The following GNG2 variants were observed in gnomAD, a reference collection of about 807,000 sequenced individuals.
GNG2 encodes guanine nucleotide-binding protein G(I)/G(S)/G(O) subunit gamma-2.
Under a neutral mutation model 5.5 loss-of-function variants are expected in GNG2, and 5 were observed. The observed-to-expected ratio is 0.91, with a 90% CI of 0.48 to 1.92. The LOEUF (loss-of-function observed/expected upper bound fraction) is 1.92, where lower values mean the gene tolerates loss of function less well. Among genes scored for constraint, GNG2 ranks in the 30% most tolerant of loss-of-function variants. The probability of loss-of-function intolerance (pLI) is 0.01; values close to 1 mark genes in which losing one functional copy is unlikely to be tolerated. For missense variants in GNG2, 55 were observed against 88.4 expected (o/e 0.62, Z 1.52); for synonymous variants, 28 against 32.0 (o/e 0.88, Z 0.42).
intron 2 of GNG2, among the ~76,000 whole-genome samples, chr14:51,937,469 C>T (rs1888077201): frequency 6.6e-6 from 1 of 152,106 alleles, no homozygotes; most frequent in African/African-American, 2.4e-5. Flanking sequence ...AATGTAAGCA[C>T]TCCAAGGTGG....
chr14:51,956,520 T>C (rs1889280705), intron 3 of GNG2, among the ~76,000 whole-genome samples: 1 of 152,178 alleles, frequency 6.6e-6, no homozygotes, highest in South Asian at 2.1e-4. Flanking sequence ...AAGAAGTATG[T>C]AGAGTGGTGT....
intron 1 of GNG2, among the ~76,000 whole-genome samples, chr14:51,869,394 T>C (rs1352772514): frequency 6.6e-6 from 1 of 152,228 alleles, no homozygotes; most frequent in Non-Finnish European, 1.5e-5. Flanking sequence ...TTCCTCCCAC[T>C]GTGACACCTT....
chr14:51,837,924 C>T (rs913408822), intron 2 of GNG2, among the ~76,000 whole-genome samples: 2 of 152,166 alleles, frequency 1.3e-5, no homozygotes, highest in South Asian at 2.1e-4. Flanking sequence ...ATTTGCATTG[C>T]TCCTATGAGT....
chr14:51,940,228 T>G (rs937789561), intron 2 of GNG2: 3 of 151,388 alleles, frequency 2.0e-5, no homozygotes, highest in Admixed American at 6.6e-5. Context: ...TTGTTTTGTT[T>G]TGTTGACAAA....
chr14:51,952,296 ATTC>A (rs1485124833), intron 3 of GNG2, among the ~76,000 whole-genome samples: 3 of 152,140 alleles, frequency 2.0e-5, no homozygotes, highest in Non-Finnish European at 4.4e-5. Flanking sequence ...AACAGCCTTA[ATTC>A]TTCTTCTTTC....
At chr14:51,887,015 C>T (rs1461142122) in intron 2 of GNG2, among the ~76,000 whole-genome samples, 1 of 152,178 alleles carries the variant, frequency 6.6e-6, no homozygotes, top group East Asian at 1.9e-4. Flanking sequence ...CTTGTTTAAA[C>T]CAGCTTTCAC....
At chr14:51,908,832 C>A (rs1179347153) in intron 2 of GNG2, among the ~76,000 whole-genome samples, 1 of 150,108 alleles carries the variant, frequency 6.7e-6, no homozygotes. Context: ...TCCATCTCAG[C>A]CTCCCAAAGT....
Position 51,841,508 on chromosome 14 carries a change from A to G in GNG2, c.64+13701A>G, listed in dbSNP as rs1425624371. 9 of 701,946 alleles carry G rather than the reference A, an allele frequency of 1.3e-5. No individual in the cohort carries two copies. The Admixed American group carries it at 1.8e-4, about 14-fold the overall frequency. The allele number at this position is 701,946 out of a possible 1,614,324, so 43.5% of individuals were successfully genotyped here. On this transcript the variant is annotated intron_variant, in intron 2 of 3. Transcript: ENST00000553432. ...CTATTTTTCTCTCCATTTTACAGAC[A>G]AGAATCCCAGAGCATAGAAAAGTCA... is the stretch of plus-strand genomic sequence containing the variant.
chr14:51,828,733 G>A (rs574560070), intron 2 of GNG2, among the ~76,000 whole-genome samples: 1 of 152,156 alleles, frequency 6.6e-6, no homozygotes, highest in African/African-American at 2.4e-5. Context: ...GGTGAAATTT[G>A]TTTCTGACTC....
At chr14:51,942,675 C>T (rs1230125272) in intron 2 of GNG2, among the ~76,000 whole-genome samples, 14 of 148,160 alleles carry the variant, frequency 9.4e-5, no homozygotes, top group African/African-American at 3.3e-4. Context: ...CCTCCCTTCT[C>T]AGCGCCCCCA....
In GNG2 at chr14:51,860,697, C is replaced by CTGGGG; in HGVS notation, c.-160_-159insGTGGG. 6.6e-6 allele frequency: 1 copy of CTGGGG among 152,586 alleles called. No individual in the cohort carries two copies. Among genetic ancestry groups the CTGGGG allele is most frequent in the East Asian group, 1.9e-4 (1 of 5,138 alleles). The allele number at this position is 152,586 out of a possible 1,614,324, so 9.5% of individuals were successfully genotyped here. On this transcript the variant is annotated 5_prime_UTR_variant, in exon 1 of 4. Coordinates refer to ENST00000556766, the MANE Select transcript of GNG2 (RefSeq NM_053064.5). ...CAACTCCTACTACTGCTGGGCTGGGCTGGGCTGGGCTGGGCTGCGCCGGAG... is the reference window on the plus strand; with the variant it reads ...CAACTCCTACTACTGCTGGGCTGGGCTGGGGTGGGCTGGGCTGGGCTGCGCCGGAG...
chr14:51,966,490 C>T (rs1889928273), intron 3 of GNG2, 69 bp from the exon 4 acceptor site: 1 of 1,365,782 alleles, frequency 7.3e-7, no homozygotes, highest in Admixed American at 1.7e-5. Context: ...GGACATTGGG[C>T]TCTAAAGCCT....
At chr14:51,849,313 A>G (rs2140085082) in intron 2 of GNG2, among the ~76,000 whole-genome samples, 1 of 152,324 alleles carries the variant, frequency 6.6e-6, no homozygotes, top group Non-Finnish European at 1.5e-5. Flanking sequence ...CCAAGGTGGA[A>G]GCTACAGGGC....
chr14:51,948,388 A>G (rs1206825889), intron 2 of GNG2, among the ~76,000 whole-genome samples: 1 of 152,220 alleles, frequency 6.6e-6, no homozygotes, highest in Non-Finnish European at 1.5e-5. Flanking sequence ...AAATGTCCCA[A>G]TAAGAATTTG....
chr14:51,853,074 G>A (rs1256105968), intron 2 of GNG2, among the ~76,000 whole-genome samples: 1 of 152,068 alleles, frequency 6.6e-6, no homozygotes, highest in Non-Finnish European at 1.5e-5. Context: ...ATTTTAAGCA[G>A]CCTTAGTAGT....
intron 2 of GNG2, among the ~76,000 whole-genome samples, chr14:51,921,249 T>A (rs867182565): frequency 6.6e-5 from 10 of 152,162 alleles, no homozygotes; most frequent in Non-Finnish European, 1.2e-4. Context: ...GGAGATAAGA[T>A]AGTATGCACC....
intron 2 of GNG2, among the ~76,000 whole-genome samples, chr14:51,887,713 T>G (rs1446079915): frequency 1.3e-5 from 2 of 152,188 alleles, no homozygotes; most frequent in East Asian, 3.8e-4. Context: ...TAATACTGAC[T>G]GTGACCACCT....
chr14:51,964,060 ACT>A lies in GNG2; in HGVS notation c.88-2496_88-2495del, dbSNP rs1463335990. Reference sequence around the variant, plus strand: ...AGAGGAATCATACTGGATTAGGGTAACTCTAACTGGTGAGATGGGAAATTTGG... The same window carrying A: ...AGAGGAATCATACTGGATTAGGGTAACTAACTGGTGAGATGGGAAATTTGG... On this transcript the variant is annotated intron_variant, in intron 3 of 3. Transcript: ENST00000556766. Among the ~76,000 whole-genome samples the A allele has an allele frequency of 1.3e-4, 20 of 152,266 alleles. No individual in the cohort carries two copies. In the South Asian group the frequency reaches 1.4e-3, roughly 11 times the overall value.
rs967778201 is a variant in GNG2 at position 51,827,750 on chromosome 14, G to C, written c.7G>C (p.Gly3Arg). 5 of 701,504 alleles carry C rather than the reference G, an allele frequency of 7.1e-6. No individual in the cohort carries two copies. In the African/African-American group the frequency reaches 8.7e-5, roughly 12 times the overall value. 43.5% of individuals were successfully genotyped at this position (701,504 alleles called of 1,614,324 possible). Reference sequence around the variant, plus strand: ...GTGCCTCTGGTCTAGGGGCATGCAGGGGAAATTGCAACCTCCAATGGAAAG... The same window carrying C: ...GTGCCTCTGGTCTAGGGGCATGCAGCGGAAATTGCAACCTCCAATGGAAAG... The change falls in exon 2 of 4, where the codon GGG becomes CGG. Residue 3 changes from glycine to arginine, a missense_variant. Gly to Arg is a moderately radical substitution (Grantham distance 125). Transcript: ENST00000553432.
Sources: allele counts gnomAD v4.1 joint callset (sites outside exome capture counted in the v4.1 genomes callset), GRCh38; gene constraint gnomAD v4.1.1; transcripts MANE v1.5; gene names NCBI Gene and HGNC (gene_info 2026-07-23, HGNC 2026-07-21).